Variants in BSPH1 observed in about 807,000 individuals in gnomAD.
BSPH1 encodes binder of sperm 1.
In BSPH1, 21 loss-of-function variants were observed where a neutral mutation model predicts 22.5. The ratio of observed to expected loss-of-function variants is 0.93; its 90% CI spans 0.66 to 1.35. BSPH1 has a LOEUF of 1.35. BSPH1 is among the 40% of genes most tolerant of loss of function. BSPH1 has a pLI of 0.00. For synonymous variants in BSPH1, 42 were observed against 53.6 expected, an observed-to-expected ratio of 0.78 and a Z score of 0.95; for missense variants, 141 against 154.2, an observed-to-expected ratio of 0.91 and a Z score of 0.45.
intron 1 of BSPH1, among the ~76,000 whole-genome samples, chr19:47,987,105 T>A (rs908998189): frequency 3.3e-5 from 5 of 152,194 alleles, no homozygotes; most frequent in African/African-American, 1.2e-4. Context: ...ATTACCGACA[T>A]CTGCAAGGAC....
At chr19:47,981,782 T>G in intron 1 of BSPH1, 1 of 965,052 alleles carries the variant, frequency 1.0e-6, no homozygotes, top group Non-Finnish European at 1.2e-6. Context: ...CTTTTTTTTT[T>G]TCTTAAAGCA....
chr19:47,971,599 A>G (rs1349812261), intron 5 of BSPH1, among the ~76,000 whole-genome samples: 1 of 152,218 alleles, frequency 6.6e-6, no homozygotes, highest in Non-Finnish European at 1.5e-5. Context: ...TTTATAGTAT[A>G]GCCATATTTC....
intron 3 of BSPH1, among the ~76,000 whole-genome samples, chr19:47,978,295 A>G (rs906434775): frequency 6.6e-6 from 1 of 151,884 alleles, no homozygotes; most frequent in Non-Finnish European, 1.5e-5. Flanking sequence ...TGTAGAGATG[A>G]GATCTCACTA....
chr19:47,976,933 A>G, intron 4 of BSPH1, 79 bp from the exon 5 acceptor site: 1 of 1,235,958 alleles, frequency 8.1e-7, no homozygotes, highest in Non-Finnish European at 1.1e-6. Context: ...ATGCACACAC[A>G]TGCACACATA....
chr19:47,975,742 G>A (rs6509352), intron 5 of BSPH1, among the ~76,000 whole-genome samples: 28,089 of 145,386 alleles, frequency 0.19, 2,798 homozygotes, highest in Admixed American at 0.23. Flanking sequence ...TGCAAGCTCC[G>A]CCTCCCGTGT....
At chr19:47,979,382 G>T (rs919221732) in intron 3 of BSPH1, among the ~76,000 whole-genome samples, 188 bp downstream of exon 3, 19 of 152,050 alleles carry the variant, frequency 1.2e-4, no homozygotes, top group Non-Finnish European at 7.4e-5. Context: ...GACACATTTA[G>T]TGCTGATGAA....
chr19:47,986,072 C>T (rs1003434814), intron 1 of BSPH1, among the ~76,000 whole-genome samples: 3 of 152,088 alleles, frequency 2.0e-5, no homozygotes, highest in African/African-American at 7.2e-5. Context: ...TCTGGGGAAG[C>T]TGGTCGAACA....
chr19:47,991,957 C>A, intron 1 of BSPH1, 52 bp downstream of exon 1: 1 of 1,259,712 alleles, frequency 7.9e-7, no homozygotes, highest in Non-Finnish European at 1.1e-6. Flanking sequence ...TCACTCTGCT[C>A]CAAAGTTAAG....
intron 1 of BSPH1, among the ~76,000 whole-genome samples, chr19:47,988,532 C>T (rs73565531): frequency 0.035 from 5,335 of 152,178 alleles, 303 homozygotes; most frequent in African/African-American, 0.12. Context: ...GCGAGAGGAG[C>T]CTTCAGTTCT....
chr19:47,980,692 G>A (rs1365406609), intron 2 of BSPH1, among the ~76,000 whole-genome samples: 3 of 151,786 alleles, frequency 2.0e-5, no homozygotes, highest in African/African-American at 4.8e-5. Flanking sequence ...GGATGGTCTC[G>A]ATCTCCTGAC....
At chr19:47,971,275 G>A (rs561390237) in intron 5 of BSPH1, among the ~76,000 whole-genome samples, 5 of 152,126 alleles carry the variant, frequency 3.3e-5, no homozygotes, top group Non-Finnish European at 7.4e-5. Context: ...ATGATCTCTC[G>A]GCTCACTGCA....
At chr19:47,987,307 C>T (rs2122264302) in intron 1 of BSPH1, among the ~76,000 whole-genome samples, 1 of 152,212 alleles carries the variant, frequency 6.6e-6, no homozygotes, top group Admixed American at 6.5e-5. Context: ...TTAACCCCGT[C>T]CTCGGAATGT....
intron 1 of BSPH1, among the ~76,000 whole-genome samples, chr19:47,989,396 G>A (rs185026584): frequency 5.9e-5 from 9 of 151,874 alleles, no homozygotes; most frequent in East Asian, 1.9e-4. Flanking sequence ...CGCCCGCCTC[G>A]GCCTCCCAAA....
At chr19:47,969,014 A>G (rs1012009473) in intron 5 of BSPH1, among the ~76,000 whole-genome samples, 3 of 151,652 alleles carry the variant, frequency 2.0e-5, no homozygotes, top group Admixed American at 1.3e-4. Context: ...AAAAAAAAAA[A>G]AAAAAAAAGA....
chr19:47,978,272 T>A (rs1484904311), intron 3 of BSPH1, among the ~76,000 whole-genome samples: 1 of 151,962 alleles, frequency 6.6e-6, no homozygotes, highest in Admixed American at 6.6e-5. Flanking sequence ...GCCCAGTTAA[T>A]TTTTAAATTT....
At chr19:47,974,516 T>C (rs1969343240) in intron 5 of BSPH1, among the ~76,000 whole-genome samples, 1 of 151,918 alleles carries the variant, frequency 6.6e-6, no homozygotes, top group South Asian at 2.1e-4. Flanking sequence ...GTGATCCTCC[T>C]GCCTCAGCTT....
chr19:47,970,495 C>A (rs1014037347), intron 5 of BSPH1, among the ~76,000 whole-genome samples: 1 of 152,094 alleles, frequency 6.6e-6, no homozygotes, highest in African/African-American at 2.4e-5. Context: ...ATTTTTAGTT[C>A]AGAAGTCTCC....
chr19:47,989,366 G>A (rs937115449), intron 1 of BSPH1, among the ~76,000 whole-genome samples: 1 of 151,854 alleles, frequency 6.6e-6, no homozygotes, highest in African/African-American at 2.4e-5. Flanking sequence ...GGCTGGTCTT[G>A]AACTCCTGAC....
At chr19:47,981,807 T>C (rs2042909) in intron 1 of BSPH1, 598,738 of 876,230 alleles carry the variant, frequency 0.68, 205,725 homozygotes, top group African/African-American at 0.79. Context: ...TTTTCAACCA[T>C]TGTTCCTTCA....
Sources: allele counts gnomAD v4.1 joint callset (sites outside exome capture counted in the v4.1 genomes callset), GRCh38; gene constraint gnomAD v4.1.1; transcripts MANE v1.5; gene names NCBI Gene and HGNC (gene_info 2026-07-23, HGNC 2026-07-21).